CNTNAP2: variants seen among roughly 807,000 people sequenced by gnomAD.
The protein encoded by CNTNAP2 is contactin associated protein 2.
Under a neutral mutation model 155.2 loss-of-function variants are expected in CNTNAP2, and 98 were observed. That is an observed-to-expected ratio of 0.63 (90% CI 0.54 to 0.75). The LOEUF is 0.75. Among genes scored for constraint, CNTNAP2 ranks in the 30% least tolerant of loss-of-function variants. CNTNAP2 has a pLI of 0.00. For missense variants in CNTNAP2, 1,727 were observed against 1,688.1 expected, an observed-to-expected ratio of 1.02 and a Z score of -0.40; for synonymous variants, 651 against 631.2, an observed-to-expected ratio of 1.03 and a Z score of -0.47.
intron 3 of CNTNAP2, among the ~76,000 whole-genome samples, chr7:146,845,818 C>T (rs1803830106): frequency 6.6e-6 from 1 of 152,138 alleles, no homozygotes; most frequent in South Asian, 2.1e-4. Context: ...ACAGGTAGAC[C>T]TAGCTCTGTG....
intron 3 of CNTNAP2, among the ~76,000 whole-genome samples, chr7:146,949,961 G>A (rs547773574): frequency 4.5e-4 from 69 of 152,184 alleles, no homozygotes; most frequent in African/African-American, 1.4e-3. Context: ...TACTATGTGC[G>A]AAGAATTTAG....
At chr7:147,008,115 C>T (rs1798558421) in intron 3 of CNTNAP2, among the ~76,000 whole-genome samples, 1 of 152,092 alleles carries the variant, frequency 6.6e-6, no homozygotes, top group South Asian at 2.1e-4. Context: ...CAACCCCTAA[C>T]ATTCTATTCA....
At chr7:147,773,741 C>T (rs1797512666) in intron 13 of CNTNAP2, among the ~76,000 whole-genome samples, 1 of 152,132 alleles carries the variant, frequency 6.6e-6, no homozygotes, top group Non-Finnish European at 1.5e-5. Context: ...TTCAGTGCCC[C>T]AGTCAGAGTG....
intron 18 of CNTNAP2, among the ~76,000 whole-genome samples, chr7:148,208,431 G>A (rs1209885020): frequency 6.6e-6 from 1 of 152,158 alleles, no homozygotes; most frequent in Admixed American, 6.5e-5. Context: ...CTCCTGATGA[G>A]TGAGTATAGA....
intron 13 of CNTNAP2, among the ~76,000 whole-genome samples, chr7:147,654,823 T>A (rs1286118281): frequency 2.1e-5 from 3 of 139,584 alleles, no homozygotes; most frequent in Non-Finnish European, 4.6e-5. Flanking sequence ...TTTTTTTTTT[T>A]TTTTTTTTGA....
intron 1 of CNTNAP2, among the ~76,000 whole-genome samples, chr7:146,252,092 G>T (rs937750571): frequency 6.6e-5 from 10 of 152,156 alleles, no homozygotes; most frequent in African/African-American, 2.4e-4. Flanking sequence ...CAACGCAGAG[G>T]ACATACCAGG....
chr7:148,317,402 A>T (rs747340494), intron 21 of CNTNAP2, among the ~76,000 whole-genome samples: 29 of 152,156 alleles, frequency 1.9e-4, no homozygotes, highest in Non-Finnish European at 3.7e-4. Context: ...AGCATACTAG[A>T]AATCAAGAAT....
At chr7:146,535,898 A>T (rs550528702) in intron 1 of CNTNAP2, among the ~76,000 whole-genome samples, 6 of 151,488 alleles carry the variant, frequency 4.0e-5, no homozygotes, top group African/African-American at 1.5e-4. Flanking sequence ...AGATGGATGG[A>T]GTTTCCTTGA....
chr7:147,104,885 T>A (rs1305306287), intron 4 of CNTNAP2, among the ~76,000 whole-genome samples: 8 of 35,672 alleles, frequency 2.2e-4, no homozygotes, highest in African/African-American at 1.4e-3. Flanking sequence ...TATATATATA[T>A]ATATATATAT....
chr7:146,817,209 C>A (rs534859795), intron 2 of CNTNAP2, among the ~76,000 whole-genome samples: 1 of 152,218 alleles, frequency 6.6e-6, no homozygotes, highest in South Asian at 2.1e-4. Flanking sequence ...CGGTGACTCA[C>A]CCCTGTAATC....
intron 3 of CNTNAP2, among the ~76,000 whole-genome samples, chr7:146,859,567 G>T (rs542659601): frequency 6.6e-6 from 1 of 152,058 alleles, no homozygotes; most frequent in South Asian, 2.1e-4. Flanking sequence ...TGAGCCTGGA[G>T]AATCGCTTGA....
At chr7:148,220,946 G>A (rs1200675680) in intron 19 of CNTNAP2, among the ~76,000 whole-genome samples, 5 of 152,072 alleles carry the variant, frequency 3.3e-5, no homozygotes, top group Non-Finnish European at 7.4e-5. Context: ...CCCTCCCCAG[G>A]AGGAGGGCTC....
chr7:148,337,888 T>A (rs1177931), intron 21 of CNTNAP2, among the ~76,000 whole-genome samples: 141,012 of 152,240 alleles, frequency 0.93, 65,821 homozygotes, highest in East Asian at 1. Context: ...GGGGACTTTT[T>A]AAATGTCCTT....
intron 3 of CNTNAP2, among the ~76,000 whole-genome samples, chr7:146,937,739 A>T (rs545555864): frequency 6.6e-6 from 1 of 152,336 alleles, no homozygotes; most frequent in African/African-American, 2.4e-5. Flanking sequence ...AATTATAAAT[A>T]ATGCCAACCT....
intron 3 of CNTNAP2, among the ~76,000 whole-genome samples, chr7:147,008,828 C>T (rs577064594): frequency 5.3e-5 from 8 of 151,880 alleles, no homozygotes; most frequent in East Asian, 1.9e-4. Flanking sequence ...CTTGTTGTCT[C>T]GGGTGATAAA....
intron 3 of CNTNAP2, among the ~76,000 whole-genome samples, chr7:147,040,542 C>A (rs1024437354): frequency 6.8e-6 from 1 of 147,416 alleles, no homozygotes; most frequent in Non-Finnish European, 1.5e-5. Context: ...CTCCCTGAAA[C>A]CCCTGCCTCC....
chr7:146,217,236 A>G (rs955149020), intron 1 of CNTNAP2, among the ~76,000 whole-genome samples: 61 of 152,334 alleles, frequency 4.0e-4, no homozygotes, highest in African/African-American at 1.3e-3. Flanking sequence ...CGCTTTTGTG[A>G]TTATATAAAA....
chr7:148,012,674 G>T (rs188664246), intron 15 of CNTNAP2, among the ~76,000 whole-genome samples: 2 of 152,130 alleles, frequency 1.3e-5, no homozygotes, highest in South Asian at 4.1e-4. Context: ...TGTGTCACAC[G>T]CATAATAAAA....
At chr7:146,782,079 A>T (rs1327394072) in intron 2 of CNTNAP2, 10 of 152,228 alleles carry the variant, frequency 6.6e-5, no homozygotes, top group Non-Finnish European at 2.9e-5. Flanking sequence ...ATTATGAAGT[A>T]GACTCAAGTT....
Sources: gnomAD v4.1 joint callset for allele counts (sites outside exome capture counted in the v4.1 genomes callset) on GRCh38, gnomAD v4.1.1 for gene constraint, MANE v1.5 for transcripts, NCBI Gene and HGNC (gene_info 2026-07-23, HGNC 2026-07-21) for gene names.